Variants in BICRA observed in about 807,000 individuals in gnomAD.
BICRA encodes the protein BRD4-interacting chromatin-remodeling complex-associated protein.
Under a neutral mutation model 96.9 loss-of-function variants are expected in BICRA, and 31 were observed. The observed-to-expected ratio is 0.32, with a 90% CI of 0.24 to 0.43. The LOEUF is 0.43. Ranked by LOEUF, BICRA falls within the 20% of genes least tolerant of loss-of-function variation. The pLI is 1.00. For missense variants in BICRA, 2,283 were observed against 2,190.3 expected (o/e 1.04, Z -0.84); for synonymous variants, 1,350 against 1,071.8 (o/e 1.26, Z -5.07).
At chr19:47,696,838 T>TGATGGGTGGGG (rs1568578563) in intron 11 of BICRA, among the ~76,000 whole-genome samples, 5 of 147,630 alleles carry the variant, frequency 3.4e-5, no homozygotes, top group African/African-American at 1.3e-4. Flanking sequence ...ACTGGGTGGG[T>TGATGGGTGGGG]GAAGTGATGG....
rs777423376 is a variant in BICRA at position 47,701,440 on chromosome 19, C to G, written c.3708C>G (p.Thr1236=). 9.5e-6 allele frequency: 15 copies of G among 1,571,962 alleles called. No individual in the cohort carries two copies. The African/African-American group carries it at 1.2e-4, about 13-fold the overall frequency. ...PLSSSAPGAS[T]QPPPHLPTKL... ...CGTCTTCAGCTCCCGGGGCCTCCAC[C>G]CAGCCCCCTCCACACCTGCCCACCA... The change falls in exon 15 of 15, where the codon ACC becomes ACG. Residue 1236 remains threonine, a synonymous_variant. Transcript: ENST00000594866. The surrounding 1 kb of genome is among the most constrained non-coding windows in gnomAD (Gnocchi z 5.4).
intron 1 of BICRA, among the ~76,000 whole-genome samples, chr19:47,652,602 C>T (rs1247172203): frequency 2.0e-5 from 3 of 152,160 alleles, no homozygotes; most frequent in Non-Finnish European, 2.9e-5. Context: ...TCTTACTACT[C>T]GTGGCTTTTT....
chr19:47,647,593 T>C lies in BICRA; in HGVS notation c.-107-22850T>C, dbSNP rs558658585. On this transcript the variant is annotated intron_variant, in intron 1 of 14. Transcript: ENST00000594866. ...TCCTGTTAGGTAACAGGAAAAATGA[T>C]CTGTGGGCTCCTCTCTCTCCTTGGC... 2.6e-4 allele frequency among the ~76,000 whole-genome samples: 39 copies of C among 152,186 alleles called. 2 individuals are homozygous for C. The East Asian group carries it at 7.2e-3, about 28-fold the overall frequency.
intron 1 of BICRA, among the ~76,000 whole-genome samples, chr19:47,642,317 C>G (rs1972396461): frequency 6.6e-6 from 1 of 152,158 alleles, no homozygotes; most frequent in Non-Finnish European, 1.5e-5. Flanking sequence ...CTGTACGAGT[C>G]TTTGTGTGGA....
At chr19:47,626,592 G>A (rs1235562725) in intron 1 of BICRA, among the ~76,000 whole-genome samples, 3 of 94,328 alleles carry the variant, frequency 3.2e-5, no homozygotes, top group Admixed American at 1.1e-4. Context: ...TTTTTTTTTA[G>A]AGACAGGGTC....
chr19:47,676,061 G>A (rs553072209), intron 5 of BICRA, 145 bp downstream of exon 5: 20 of 618,542 alleles, frequency 3.2e-5, no homozygotes, highest in Non-Finnish European at 5.2e-5. Flanking sequence ...CAGGGTGGCT[G>A]GACCACCCTG....
At position 47,626,435 on chromosome 19, in the gene BICRA, C is replaced by G. The variant is rs1229238884; in HGVS notation, c.-108+17267C>G. The G allele has an allele frequency of 2.0e-5, 3 of 152,288 alleles. No homozygotes were observed. In the East Asian group the frequency reaches 5.8e-4, roughly 29 times the overall value. 9.4% of individuals were successfully genotyped at this position (152,288 alleles called of 1,614,324 possible). ...ACAGAGTGAGACTCTGTCTCCCAGG[C>G]TGGAGTGCAGTAGTGTGATCTTGGC... is the stretch of plus-strand genomic sequence containing the variant. On this transcript the variant is annotated intron_variant, in intron 1 of 14. Coordinates refer to ENST00000594866, the MANE Select transcript of BICRA (RefSeq NM_001394372.1).
At chr19:47,676,866 C>A (rs987474988) in intron 5 of BICRA, among the ~76,000 whole-genome samples, 1 of 151,948 alleles carries the variant, frequency 6.6e-6, no homozygotes, top group Admixed American at 6.6e-5. Flanking sequence ...TTTGTATACC[C>A]TAAGATCCCC....
intron 1 of BICRA, among the ~76,000 whole-genome samples, chr19:47,618,870 C>T (rs981810037): frequency 1.7e-4 from 26 of 152,318 alleles, no homozygotes; most frequent in African/African-American, 5.3e-4. Context: ...TGAAGCTCCC[C>T]GGAGCCACCT....
At chr19:47,655,970 C>T (rs1972610759) in intron 1 of BICRA, among the ~76,000 whole-genome samples, 2 of 151,762 alleles carry the variant, frequency 1.3e-5, no homozygotes, top group African/African-American at 2.4e-5. Context: ...CATGGTAGCT[C>T]ACGCCTGTAA....
At chr19:47,658,653 A>G (rs1279078595) in intron 1 of BICRA, among the ~76,000 whole-genome samples, 1 of 147,902 alleles carries the variant, frequency 6.8e-6, no homozygotes, top group Non-Finnish European at 1.5e-5. Flanking sequence ...AAAAAAAAAA[A>G]GCAGCAGCAG....
At chr19:47,631,777 T>C (rs1227461283) in intron 1 of BICRA, among the ~76,000 whole-genome samples, 1 of 152,116 alleles carries the variant, frequency 6.6e-6, no homozygotes, top group Non-Finnish European at 1.5e-5. Flanking sequence ...GCCTCCCAAG[T>C]AGCTGGGACT....
intron 1 of BICRA, among the ~76,000 whole-genome samples, chr19:47,669,838 A>G (rs1381020303): frequency 6.6e-6 from 1 of 151,678 alleles, no homozygotes; most frequent in African/African-American, 2.4e-5. Flanking sequence ...TTGTATTTTT[A>G]GTAGAGACCG....
rs915068101 is a variant in BICRA at position 47,698,091 on chromosome 19, C to T, written c.3249-543C>T. Among the ~76,000 whole-genome samples the T allele has an allele frequency of 7.2e-4, 109 of 152,164 alleles. No individual in the cohort carries two copies. The highest frequency in any genetic ancestry group is 1.4e-3 in the Non-Finnish European group (98 of 68,032). Reference sequence around the variant, plus strand: ...GAGTAAGTGACACAAAGTCCCTGCCCCCACAGTGCAGAGAGGCTGCTGGTT... The same window carrying T: ...GAGTAAGTGACACAAAGTCCCTGCCTCCACAGTGCAGAGAGGCTGCTGGTT... On this transcript the variant is annotated intron_variant, in intron 11 of 14. Coordinates refer to ENST00000594866, the MANE Select transcript of BICRA (RefSeq NM_001394372.1). The surrounding 1 kb of genome is among the most constrained non-coding windows in gnomAD (Gnocchi z 4.8).
chr19:47,691,116 C>T (rs1259226156), intron 7 of BICRA, among the ~76,000 whole-genome samples: 2 of 152,232 alleles, frequency 1.3e-5, no homozygotes, highest in Non-Finnish European at 2.9e-5. Flanking sequence ...TTGTGGTCAT[C>T]TGAAGGTCCC....
At chr19:47,626,758 G>A (rs1972147262) in intron 1 of BICRA, among the ~76,000 whole-genome samples, 1 of 141,744 alleles carries the variant, frequency 7.1e-6, no homozygotes, top group African/African-American at 2.6e-5. Context: ...GTCTCGCTCG[G>A]TCACCTAGGC....
At chr19:47,612,421 A>T (rs1971921938) in intron 1 of BICRA, among the ~76,000 whole-genome samples, 1 of 151,994 alleles carries the variant, frequency 6.6e-6, no homozygotes. Context: ...CTCAAAAAAA[A>T]AAAATAAATA....
At chr19:47,617,121 C>G (rs762424586) in intron 1 of BICRA, among the ~76,000 whole-genome samples, 4 of 151,986 alleles carry the variant, frequency 2.6e-5, no homozygotes, top group African/African-American at 9.7e-5. Flanking sequence ...AGCCACCATA[C>G]CAGGCCTATT....
intron 7 of BICRA, among the ~76,000 whole-genome samples, chr19:47,693,808 C>T (rs953058926): frequency 2.0e-5 from 3 of 152,278 alleles, no homozygotes; most frequent in Non-Finnish European, 4.4e-5. Flanking sequence ...CTGCAGGGCT[C>T]GCCTTTGTCT....
Sources: allele counts gnomAD v4.1 joint callset (sites outside exome capture counted in the v4.1 genomes callset), GRCh38; gene constraint gnomAD v4.1.1; non-coding constraint Gnocchi (gnomAD v3.1); transcripts MANE v1.5; gene names NCBI Gene and HGNC (gene_info 2026-07-23, HGNC 2026-07-21).